The following FBN1 variants were observed in gnomAD, a reference collection of about 807,000 sequenced individuals.
FBN1 encodes the protein fibrillin-1.
Under a neutral mutation model 365.1 loss-of-function variants are expected in FBN1, and 29 were observed. The ratio of observed to expected loss-of-function variants is 0.08; its 90% CI spans 0.06 to 0.11. FBN1 has a LOEUF of 0.11. Ranked by LOEUF, FBN1 falls within the 10% of genes least tolerant of loss-of-function variation. The probability of loss-of-function intolerance (pLI) is 1.00; values close to 1 mark genes in which losing one functional copy is unlikely to be tolerated. For synonymous variants in FBN1, 1,210 were observed against 1,270.5 expected (o/e 0.95, Z 1.01); for missense variants, 2,476 against 3,703.2 (o/e 0.67, Z 8.60).
chr15:48,594,056 T>C (rs926718481), intron 6 of FBN1, among the ~76,000 whole-genome samples: 1 of 152,178 alleles, frequency 6.6e-6, no homozygotes, highest in Non-Finnish European at 1.5e-5. Context: ...CAGATTTTTA[T>C]TCATCACTCT....
At chr15:48,470,300 G>A (rs530582306) in intron 36 of FBN1, among the ~76,000 whole-genome samples, 6 of 152,166 alleles carry the variant, frequency 3.9e-5, no homozygotes, top group East Asian at 1.9e-4. Context: ...CCCGGGGCAT[G>A]GCCTCCAAAA....
intron 32 of FBN1, among the ~76,000 whole-genome samples, chr15:48,478,096 G>C (rs1424813709): frequency 6.6e-6 from 1 of 152,214 alleles, no homozygotes; most frequent in East Asian, 1.9e-4. Context: ...TAACCTGGCA[G>C]AGCTGTGCAC....
chr15:48,588,157 G>A (rs996805860), intron 6 of FBN1, among the ~76,000 whole-genome samples: 1 of 151,620 alleles, frequency 6.6e-6, no homozygotes. Flanking sequence ...ACTGAGATGT[G>A]GTATAATATA....
intron 6 of FBN1, among the ~76,000 whole-genome samples, chr15:48,569,338 G>A (rs993971442): frequency 3.9e-5 from 6 of 152,060 alleles, no homozygotes; most frequent in Non-Finnish European, 8.8e-5. Flanking sequence ...TGAGAATATG[G>A]AGAAACTAGA....
intron 38 of FBN1, among the ~76,000 whole-genome samples, chr15:48,466,914 C>T (rs1597547975): frequency 6.6e-6 from 1 of 151,938 alleles, no homozygotes; most frequent in East Asian, 1.9e-4. Context: ...AAGTCCCCAC[C>T]CTCTCCCAAG....
chr15:48,622,390 G>C (rs1049142568), intron 2 of FBN1, among the ~76,000 whole-genome samples: 4 of 152,130 alleles, frequency 2.6e-5, no homozygotes, highest in Admixed American at 2.0e-4. Context: ...GCTCAGAAGA[G>C]GACTATCTGA....
Position 48,526,195 on chromosome 15 carries a change from A to T in FBN1, c.923T>A (p.Val308Asp). The T allele has an allele frequency of 6.2e-7, 1 of 1,614,086 alleles. No homozygotes were observed. The highest frequency in any genetic ancestry group is 8.5e-7 in the Non-Finnish European group (1 of 1,179,952). The part of the protein sequence containing the change: ...ICEGGECTNT[V>D]SSYFCKCPPG... Reference sequence around the variant, plus strand: ...GGGACATTTGCAAAAGTAACTGCTGACTGTGTTTGTACATTCACCCCCTTC... The same window carrying T: ...GGGACATTTGCAAAAGTAACTGCTGTCTGTGTTTGTACATTCACCCCCTTC... Residue 308 changes from valine (V) to aspartate (D), a missense_variant, in exon 9 of 66, where the codon GTC (valine) becomes GAC (aspartate). Coordinates refer to ENST00000316623, the MANE Select transcript of FBN1 (RefSeq NM_000138.5).
At chr15:48,550,962 TATGA>T (rs113964524) in intron 6 of FBN1, among the ~76,000 whole-genome samples, 304 of 119,464 alleles carry the variant, frequency 2.5e-3, no homozygotes, top group East Asian at 9.9e-3. Flanking sequence ...CTCAAGTATT[TATGA>T]ATGAATGAAT....
rs886038990 is a variant in FBN1 at position 48,499,025 on chromosome 15, T to G, written c.2127A>C (p.Ala709=). The G allele has an allele frequency of 3.1e-6, 5 of 1,614,034 alleles. No homozygotes were observed. Among genetic ancestry groups the G allele is most frequent in the Non-Finnish European group, 4.2e-6 (5 of 1,179,986 alleles). Residue 709 remains alanine, a synonymous_variant, in exon 18 of 66, where the codon GCA becomes GCC. Transcript: ENST00000316623. ...TCATTCCTGGCCCACTGCTGCAGAGTGCCTGATATTCCGCTGCAATAAATT... is the reference window on the plus strand; with the variant it reads ...TCATTCCTGGCCCACTGCTGCAGAGGGCCTGATATTCCGCTGCAATAAATT... ...CPAQNSAEYQ[A]LCSSGPGMTS...
rs368723745 is a variant in FBN1, at chr15:48,465,870, A to T, written c.4748-12T>A. The T allele has an allele frequency of 2.6e-5, 42 of 1,601,490 alleles. No homozygotes were observed. The African/African-American group carries it at 5.2e-4, about 20-fold the overall frequency. On this transcript the variant is annotated splice_polypyrimidine_tract_variant and intron_variant, in intron 38 of 65. Transcript: ENST00000316623. Reference sequence around the variant, plus strand: ...AATTTTGTACTCGGCTATTGAAACAAAAATTCAAATTGAGTTGTTTTGAAT... The same window carrying T: ...AATTTTGTACTCGGCTATTGAAACATAAATTCAAATTGAGTTGTTTTGAAT...
chr15:48,537,771 G>C lies in FBN1; in HGVS notation c.576C>G (p.Asn192Lys). 6 of 1,614,198 alleles carry C rather than the reference G, an allele frequency of 3.7e-6. No homozygotes were observed. The highest frequency in any genetic ancestry group is 5.1e-6 in the Non-Finnish European group (6 of 1,180,034). ...CGCTGAGTTGTCCCTGGCACATCTG[G>C]TTGCTGATCACAGTAAAACATGGGC... ...RTGPCFTVIS[N>K]QMCQGQLSGI... The change falls in exon 7 of 66, where the codon AAC becomes AAG. Residue 192 changes from asparagine to lysine, a missense_variant. By Grantham distance (94) the Asn-to-Lys change is moderately conservative (BLOSUM62 0). Coordinates refer to ENST00000316623, the MANE Select transcript of FBN1 (RefSeq NM_000138.5).
At chr15:48,487,940 C>T (rs1209513829) in intron 27 of FBN1, among the ~76,000 whole-genome samples, 173 bp downstream of exon 27, 2 of 152,184 alleles carry the variant, frequency 1.3e-5, no homozygotes, top group African/African-American at 2.4e-5. Flanking sequence ...CCCACAAACC[C>T]ACAGCATGAA....
chr15:48,609,694 C>T (rs895741422), intron 4 of FBN1, among the ~76,000 whole-genome samples: 5 of 152,204 alleles, frequency 3.3e-5, no homozygotes, highest in African/African-American at 1.2e-4. Context: ...CCAGCTTGCC[C>T]TGCATGCAGA....
chr15:48,563,762 C>T (rs2044240991), intron 6 of FBN1, among the ~76,000 whole-genome samples: 1 of 152,184 alleles, frequency 6.6e-6, no homozygotes, highest in Non-Finnish European at 1.5e-5. Context: ...CGTGTGTGCA[C>T]ATCCTACAAC....
chr15:48,481,537 G>A (rs1371454744), intron 32 of FBN1, 118 bp downstream of exon 32: 1 of 1,091,210 alleles, frequency 9.2e-7, no homozygotes, highest in South Asian at 1.7e-5. Flanking sequence ...AAAATGTTAT[G>A]CAAAATGTTT....
chr15:48,550,688 T>C (rs1326961024), intron 6 of FBN1, among the ~76,000 whole-genome samples: 1 of 152,090 alleles, frequency 6.6e-6, no homozygotes, highest in Non-Finnish European at 1.5e-5. Flanking sequence ...CGGTGCTGTT[T>C]CTCTTCCACA....
chr15:48,555,043 T>C (rs1439216850), intron 6 of FBN1, among the ~76,000 whole-genome samples: 15 of 152,350 alleles, frequency 9.8e-5, no homozygotes, highest in African/African-American at 3.4e-4. Flanking sequence ...TTGTACACTA[T>C]AGAAATGTAA....
chr15:48,431,459 T>C (rs757947321), intron 55 of FBN1, among the ~76,000 whole-genome samples: 2 of 152,004 alleles, frequency 1.3e-5, no homozygotes, highest in East Asian at 1.9e-4. Flanking sequence ...TGTTGACTAA[T>C]TGAACTAAAA....
intron 9 of FBN1, 84 bp from the exon 10 acceptor site, chr15:48,520,901 C>T: frequency 6.4e-7 from 1 of 1,570,800 alleles, no homozygotes; most frequent in Non-Finnish European, 8.7e-7. Flanking sequence ...CAGCTCCATA[C>T]TTCACACTGG....
Sources: allele counts gnomAD v4.1 joint callset (sites outside exome capture counted in the v4.1 genomes callset), GRCh38; gene constraint gnomAD v4.1.1; transcripts MANE v1.5; gene names NCBI Gene and HGNC (gene_info 2026-07-23, HGNC 2026-07-21).